The following KIF16B variants were observed in gnomAD, a reference collection of about 807,000 sequenced individuals.
The protein encoded by KIF16B is kinesin family member 16B, also known as kinesin-like protein KIF16B.
A neutral mutation model predicts 156.3 loss-of-function variants in KIF16B; 98 were observed. The ratio of observed to expected loss-of-function variants is 0.63; its 90% CI spans 0.53 to 0.74. The LOEUF is 0.74. KIF16B is among the 30% of genes least tolerant of loss of function. The pLI, the probability that KIF16B is intolerant of heterozygous loss-of-function variation, is 0.00. For synonymous variants in KIF16B, 564 were observed against 583.7 expected, an observed-to-expected ratio of 0.97 and a Z score of 0.49; for missense variants, 1,421 against 1,606.5, an observed-to-expected ratio of 0.88 and a Z score of 1.97.
At chr20:16,375,397 G>A (rs558582668) in intron 19 of KIF16B, among the ~76,000 whole-genome samples, 169 of 152,326 alleles carry the variant, frequency 1.1e-3, no homozygotes, top group Non-Finnish European at 1.8e-3. Context: ...GGTGTCACCA[G>A]CAGCAATTTG....
At chr20:16,378,778 T>A (rs745963905) in intron 19 of KIF16B, 27 bp downstream of exon 19, 2 of 1,563,100 alleles carry the variant, frequency 1.3e-6, no homozygotes, top group Non-Finnish European at 1.7e-6. Flanking sequence ...ACCCACTGTA[T>A]GCCACACCCT....
At chr20:16,401,196 A>G (rs2065648305) in intron 17 of KIF16B, among the ~76,000 whole-genome samples, 1 of 152,222 alleles carries the variant, frequency 6.6e-6, no homozygotes, top group Admixed American at 6.5e-5. Flanking sequence ...CAGGCTGCAT[A>G]ATGGTAGCGT....
At chr20:16,555,369 T>G (rs191712637) in intron 1 of KIF16B, among the ~76,000 whole-genome samples, 23 of 152,272 alleles carry the variant, frequency 1.5e-4, no homozygotes, top group Admixed American at 1.4e-3. Flanking sequence ...TTAGTGGCAA[T>G]GGCAAGATGT....
intron 3 of KIF16B, among the ~76,000 whole-genome samples, chr20:16,516,612 A>C (rs6044049): frequency 0.24 from 36,204 of 152,110 alleles, 4,930 homozygotes; most frequent in East Asian, 0.36. Flanking sequence ...GGTGTCACCA[A>C]CGTCCAAGGT....
chr20:16,469,749 T>C, intron 12 of KIF16B, among the ~76,000 whole-genome samples: 1 of 152,212 alleles, frequency 6.6e-6, no homozygotes. Context: ...ACAGTCACTT[T>C]GCAAGACAGT....
intron 25 of KIF16B, among the ~76,000 whole-genome samples, chr20:16,308,496 T>G (rs149184187): frequency 1.3e-5 from 2 of 152,348 alleles, no homozygotes; most frequent in East Asian, 1.9e-4. Context: ...AGTATGCTGA[T>G]TAAAAGAAGG....
intron 1 of KIF16B, 85 bp from the exon 2 acceptor site, chr20:16,528,525 T>G (rs1440040613): frequency 8.8e-6 from 9 of 1,021,048 alleles, no homozygotes; most frequent in Non-Finnish European, 1.4e-5. Flanking sequence ...TTTTATTTAC[T>G]TTTTACGTTA....
chr20:16,371,786 GA>G (rs1264977543), intron 20 of KIF16B, 25 bp from the exon 21 acceptor site: 6 of 1,489,614 alleles, frequency 4.0e-6, no homozygotes, highest in Non-Finnish European at 5.6e-6. Context: ...AGATGGAGTA[GA>G]TCTGACACTT....
chr20:16,316,632 T>C (rs2063701593), intron 24 of KIF16B, among the ~76,000 whole-genome samples: 1 of 152,040 alleles, frequency 6.6e-6, no homozygotes, highest in Non-Finnish European at 1.5e-5. Context: ...GAATTACCAC[T>C]CCATTCGTAA....
At chr20:16,423,957 G>A (rs2066288463) in intron 15 of KIF16B, among the ~76,000 whole-genome samples, 1 of 152,082 alleles carries the variant, frequency 6.6e-6, no homozygotes, top group Admixed American at 6.6e-5. Flanking sequence ...CCTACATGGT[G>A]ACCTCTCATC....
At chr20:16,277,459 T>TTATATATATATA (rs60624017) in intron 25 of KIF16B, among the ~76,000 whole-genome samples, 29 of 143,900 alleles carry the variant, frequency 2.0e-4, no homozygotes, top group South Asian at 1.3e-3. Flanking sequence ...TATGTACATA[T>TTATATATATATA]TATATATATA....
chr20:16,317,273 G>A (rs538880601), intron 24 of KIF16B, among the ~76,000 whole-genome samples: 118 of 152,188 alleles, frequency 7.8e-4, no homozygotes, highest in African/African-American at 2.8e-3. Flanking sequence ...GACTCCTCTT[G>A]GATTTCCTCT....
chr20:16,382,176 G>A, intron 17 of KIF16B: 1 of 1,214,230 alleles, frequency 8.2e-7, no homozygotes, highest in Middle Eastern at 2.2e-4. Context: ...AGAGAGCACA[G>A]ACATCAATTA....
chr20:16,427,205 A>G lies in KIF16B; in HGVS notation c.1511T>C (p.Ile504Thr). 2 of 1,613,012 alleles carry G rather than the reference A, an allele frequency of 1.2e-6. No individual in the cohort carries two copies. Among genetic ancestry groups the G allele is most frequent in the South Asian group, 2.2e-5 (2 of 90,944 alleles). Residue 504 changes from isoleucine (I) to threonine (T), a missense_variant, in exon 15 of 26, where the codon ATC becomes ACC. By Grantham distance (89) the Ile-to-Thr change is moderately conservative (BLOSUM62 -1). Transcript: ENST00000354981. ...CACTGTCCCCCCGATATTTTCAAAG[A>G]TGCAATGCTCACTCTCCAAGTCAAG... Reference protein sequence around the residue: ...HGLDLESEHCIFENIGGTVTL... With the variant: ...HGLDLESEHCTFENIGGTVTL...
chr20:16,572,787 C>T (rs1392532434), intron 1 of KIF16B, among the ~76,000 whole-genome samples: 2 of 152,176 alleles, frequency 1.3e-5, no homozygotes, highest in Admixed American at 6.5e-5. Flanking sequence ...TTCAGGGAAT[C>T]AAAATCATCT....
Position 16,494,339 on chromosome 20 carries a change from C to A in KIF16B, c.1254G>T (p.Leu418Phe). Residue 418 changes from leucine (L) to phenylalanine (F), a missense_variant, in exon 12 of 26, where the codon TTG (leucine) becomes TTT (phenylalanine). Transcript: ENST00000354981. ...TCCACTTATTTGTCCATTCCTTGGT[C>A]AATTCTTGAACCTGAAAAGAAAAAT... ...LQQNEARVQE[L>F]TKEWTNKWNE... 1 of 1,597,856 alleles carries A rather than the reference C, an allele frequency of 6.3e-7. No individual in the cohort carries two copies. Among genetic ancestry groups the A allele is most frequent in the South Asian group, 1.1e-5 (1 of 88,166 alleles).
At chr20:16,531,982 C>T (rs917894827) in intron 1 of KIF16B, among the ~76,000 whole-genome samples, 1 of 148,782 alleles carries the variant, frequency 6.7e-6, no homozygotes, top group African/African-American at 2.5e-5. Flanking sequence ...GCAAGAGAAT[C>T]GGTTGAATCC....
intron 23 of KIF16B, among the ~76,000 whole-genome samples, chr20:16,344,945 G>C (rs2064204335): frequency 1.3e-5 from 2 of 152,038 alleles, no homozygotes; most frequent in South Asian, 4.2e-4. Flanking sequence ...TAATTTTCCT[G>C]ATTCACTTCT....
At chr20:16,482,754 T>A (rs1208870490) in intron 12 of KIF16B, among the ~76,000 whole-genome samples, 2 of 152,192 alleles carry the variant, frequency 1.3e-5, no homozygotes, top group African/African-American at 4.8e-5. Context: ...CCTCAACTCA[T>A]GTGCATCTCC....
Sources: allele counts gnomAD v4.1 joint callset (sites outside exome capture counted in the v4.1 genomes callset), GRCh38; gene constraint gnomAD v4.1.1; transcripts MANE v1.5; gene names NCBI Gene and HGNC (gene_info 2026-07-23, HGNC 2026-07-21).